Variants in NCL observed in about 807,000 individuals in gnomAD.
The protein encoded by NCL is nucleolin multifunctional protein.
NCL carries 4 observed loss-of-function variants against 77.7 expected under a neutral mutation model. The observed-to-expected ratio is 0.05, with a 90% CI of 0.03 to 0.12. The LOEUF is 0.12. Ranked by LOEUF, NCL falls within the 10% of genes least tolerant of loss-of-function variation. NCL has a pLI of 1.00. For missense variants in NCL, 763 were observed against 860.9 expected (o/e 0.89, Z 1.42); for synonymous variants, 344 against 297.8 (o/e 1.16, Z -1.60).
intron 2 of NCL, among the ~76,000 whole-genome samples, chr2:231,462,835 T>C (rs1484894920): frequency 6.6e-6 from 1 of 152,216 alleles, no homozygotes; most frequent in Non-Finnish European, 1.5e-5. Context: ...TAATTTTAAT[T>C]GGAGGCTAGG....
At position 231,458,992 on chromosome 2, in the gene NCL, C is replaced by T. The variant is rs117773942; in HGVS notation, c.1165+9G>A. ...AGTTCATTGCATAATCTCATAAAGC[C>T]TTACATACCTTTCTTACTGTCTTTT... On this transcript the variant is annotated intron_variant, in intron 7 of 13. Coordinates refer to ENST00000322723, the MANE Select transcript of NCL (RefSeq NM_005381.3). 900 of 1,576,602 alleles carry T rather than the reference C, an allele frequency of 5.7e-4. 3 individuals are homozygous for T. The East Asian group carries it at 0.018, about 31-fold the overall frequency.
rs770888350 is a variant in NCL, at chr2:231,460,525, A to G, written c.851T>C (p.Met284Thr). Residue 284 changes from methionine to threonine, a missense_variant, in exon 5 of 14, where the codon ATG becomes ACG. Physicochemically the swap from Met to Thr is moderately conservative, Grantham distance 81. This residue lies in a region of NCL where 590 missense variants were observed against 570.5 expected (regional missense o/e 1.03). Transcript: ENST00000322723. ...KEAPGKRKKE[M>T]AKQKAAPEAK... is the part of the protein sequence containing the mutation. Reference sequence around the variant, plus strand: ...TTCAGGAGCTGCTTTCTGTTTGGCCATTTCCTTCTTTCGTTTTCCAGGTGC... The same window carrying G: ...TTCAGGAGCTGCTTTCTGTTTGGCCGTTTCCTTCTTTCGTTTTCCAGGTGC... 1 of 1,614,074 alleles carries G rather than the reference A, an allele frequency of 6.2e-7. No homozygotes were observed. The highest frequency in any genetic ancestry group is 1.1e-5 in the South Asian group (1 of 91,066).
At chr2:231,462,144 G>A (rs1324795642) in intron 2 of NCL, 127 bp from the exon 3 acceptor site, 1 of 1,223,240 alleles carries the variant, frequency 8.2e-7, no homozygotes, top group Non-Finnish European at 1.2e-6. Context: ...AGACACATTA[G>A]CATGTTAAAC....
rs1559539276 is a variant in NCL at position 231,454,866 on chromosome 2, AC to A, written c.*324del. 27 of 205,850 alleles carry A rather than the reference AC, an allele frequency of 1.3e-4. No homozygotes were observed. Among genetic ancestry groups the A allele is most frequent in the East Asian group, 3.1e-4 (3 of 9,748 alleles). 12.8% of individuals were successfully genotyped at this position (205,850 alleles called of 1,614,324 possible). ...GAACGCAAAAAAAAAAAAAACAAAA[AC>A]AAAACAAAAAAAAGAAACAACAACA... On this transcript the variant is annotated 3_prime_UTR_variant, in exon 14 of 14. Transcript: ENST00000322723.
At chr2:231,458,470 C>A in intron 7 of NCL, 81 bp from the exon 8 acceptor site, 1 of 1,493,434 alleles carries the variant, frequency 6.7e-7, no homozygotes, top group Non-Finnish European at 9.1e-7. Context: ...GGGAAAAACA[C>A]ACATAGCTCT....
intron 11 of NCL, 74 bp from the exon 12 acceptor site, chr2:231,456,210 T>A: frequency 6.4e-7 from 1 of 1,567,878 alleles, no homozygotes; most frequent in South Asian, 1.1e-5. Flanking sequence ...ATGCCTAGTA[T>A]GACTACTAGC....
Position 231,464,479 on chromosome 2 carries a change from G to A in NCL, c.-126C>T, listed in dbSNP as rs1161318952. The A allele has an allele frequency of 7.4e-7, 1 of 1,348,042 alleles. No homozygotes were observed. Among genetic ancestry groups the A allele is most frequent in the African/African-American group, 1.5e-5 (1 of 68,928 alleles). 83.5% of individuals were successfully genotyped at this position (1,348,042 alleles called of 1,614,324 possible). A position where few individuals can be genotyped will look rare whatever the true frequency, so the allele number is the denominator to read the frequency against. On this transcript the variant is annotated 5_prime_UTR_variant, in exon 1 of 14. Transcript: ENST00000322723. ...TACACCCGAAGGCCAGCGAGAGCTC[G>A]AGACTGAGGCGAAAGACTGAGCCTG...
rs983536490 is a variant in NCL at position 231,464,460 on chromosome 2, C to T, written c.-107G>A. On this transcript the variant is annotated 5_prime_UTR_variant, in exon 1 of 14. Transcript: ENST00000322723. Reference sequence around the variant, plus strand: ...CTGAAGATCCCGGAGCACGTACACCCGAAGGCCAGCGAGAGCTCGAGACTG... The same window carrying T: ...CTGAAGATCCCGGAGCACGTACACCTGAAGGCCAGCGAGAGCTCGAGACTG... 30 of 1,444,278 alleles carry T rather than the reference C, an allele frequency of 2.1e-5. No individual in the cohort carries two copies. The highest frequency in any genetic ancestry group is 9.5e-7 in the Non-Finnish European group (1 of 1,050,722). 89.5% of individuals were successfully genotyped at this position (1,444,278 alleles called of 1,614,324 possible).
chr2:231,455,706 T>C, intron 12 of NCL, 82 bp from the exon 13 acceptor site: 1 of 1,475,240 alleles, frequency 6.8e-7, no homozygotes, highest in Non-Finnish European at 9.5e-7. Context: ...TGGGGAGCCA[T>C]CCCACAGAAA....
intron 2 of NCL, 197 bp downstream of exon 2, chr2:231,463,003 T>C (rs1458507812): frequency 9.1e-6 from 5 of 551,268 alleles, no homozygotes; most frequent in African/African-American, 7.6e-5. Flanking sequence ...AATTCCCAGA[T>C]CTCGTCTTAC....
chr2:231,463,189 G>C lies in NCL; in HGVS notation c.135+11C>G. ...TTTAACATAATTCTGCATTAAGTTG[G>C]ATAAAATTACCTCTTCTCCACTGCT... On this transcript the variant is annotated intron_variant, in intron 2 of 13. Coordinates refer to ENST00000322723, the MANE Select transcript of NCL (RefSeq NM_005381.3). The C allele has an allele frequency of 3.2e-6, 5 of 1,553,944 alleles. No homozygotes were observed. Among genetic ancestry groups the C allele is most frequent in the Non-Finnish European group, 4.4e-6 (5 of 1,140,918 alleles).
rs926792328 is a variant in NCL, at chr2:231,453,829, G to A, written c.*1362C>T. 2.6e-5 allele frequency: 4 copies of A among 152,204 alleles called. No individual in the cohort carries two copies. The highest frequency in any genetic ancestry group is 4.4e-5 in the Non-Finnish European group (3 of 68,054). The allele number at this position is 152,204 out of a possible 1,614,324, so 9.4% of individuals were successfully genotyped here. A position where few individuals can be genotyped will look rare whatever the true frequency, so the allele number is the denominator to read the frequency against. ...CCCAAAGCAGCTACGTATTCTTCAC[G>A]TTTCCTTCTAAGCTTATCCAAGTAT... On this transcript the variant is annotated 3_prime_UTR_variant, in exon 14 of 14. Transcript: ENST00000322723.
At chr2:231,462,121 G>C in intron 2 of NCL, 104 bp from the exon 3 acceptor site, 2 of 1,387,474 alleles carry the variant, frequency 1.4e-6, no homozygotes, top group Non-Finnish European at 2.0e-6. Context: ...TCTGGTTCAA[G>C]ACCACATGCA....
At chr2:231,458,895 A>G (rs1204423618) in intron 7 of NCL, 106 bp downstream of exon 7, 8 of 1,264,482 alleles carry the variant, frequency 6.3e-6, no homozygotes, top group East Asian at 2.6e-5. Context: ...AAGGAAAAAA[A>G]TGATTTAAAA....
At chr2:231,456,465 T>C (rs2046889144) in intron 11 of NCL, 166 bp downstream of exon 11, 4 of 1,249,274 alleles carry the variant, frequency 3.2e-6, no homozygotes, top group Non-Finnish European at 2.3e-6. Context: ...CTTGACTATC[T>C]AGAGGAATTT....
chr2:231,460,337 AAAGT>A lies in NCL; in HGVS notation c.899-48_899-45del, dbSNP rs745563891. Reference sequence around the variant, plus strand: ...ACTCAGTCTACTTGTAGTGTGGTAAAAAGTTAGTTTCCAAAGCAAAATTTCTATA... The same window carrying A: ...ACTCAGTCTACTTGTAGTGTGGTAAATAGTTTCCAAAGCAAAATTTCTATA... On this transcript the variant is annotated intron_variant, in intron 5 of 13. Coordinates refer to ENST00000322723, the MANE Select transcript of NCL (RefSeq NM_005381.3). 505 of 1,613,972 alleles carry A rather than the reference AAAGT, an allele frequency of 3.1e-4. 2 individuals are homozygous for A. The African/African-American group carries it at 6.1e-3, about 19-fold the overall frequency.
In NCL at chr2:231,462,036, C is replaced by T. The variant is rs374218885; in HGVS notation, c.136-19G>A. On this transcript the variant is annotated intron_variant, in intron 2 of 13. Coordinates refer to ENST00000322723, the MANE Select transcript of NCL (RefSeq NM_005381.3). ...TGACGACCTTGAGAATAAATGAAAA[C>T]CAAACCAGTAAGTCCAGCCCCACAC... is the stretch of plus-strand genomic sequence containing the variant. 3.7e-6 allele frequency: 6 copies of T among 1,612,500 alleles called. No individual in the cohort carries two copies. The African/African-American group carries it at 8.0e-5, about 22-fold the overall frequency.
intron 13 of NCL, 53 bp downstream of exon 13, chr2:231,455,347 CA>C (rs1260239711): frequency 1.2e-6 from 2 of 1,613,330 alleles, no homozygotes; most frequent in African/African-American, 2.7e-5. Flanking sequence ...CGTGACAGGG[CA>C]CAGGGTCTGA....
chr2:231,463,403 T>C (rs1575264571), intron 1 of NCL, 87 bp from the exon 2 acceptor site: 1 of 845,438 alleles, frequency 1.2e-6, no homozygotes, highest in Middle Eastern at 2.2e-4. Flanking sequence ...TACGCCATCA[T>C]CTCCGTCCTC....
Sources: allele counts gnomAD v4.1 joint callset (sites outside exome capture counted in the v4.1 genomes callset), GRCh38; gene constraint gnomAD v4.1.1; regional missense constraint gnomAD v4.1.1; transcripts MANE v1.5; gene names NCBI Gene and HGNC (gene_info 2026-07-23, HGNC 2026-07-21).